The following TFDP2 variants were observed in gnomAD, a reference collection of about 807,000 sequenced individuals.
TFDP2 encodes the protein transcription factor Dp-2.
Under a neutral mutation model 59.3 loss-of-function variants are expected in TFDP2, and 17 were observed. That is an observed-to-expected ratio of 0.29 (90% CI 0.20 to 0.43). TFDP2 has a LOEUF of 0.43. Among genes scored for constraint, TFDP2 ranks in the 20% least tolerant of loss-of-function variants. The pLI is 1.00. For missense variants in TFDP2, 391 were observed against 528.8 expected (o/e 0.74, Z 2.56); for synonymous variants, 180 against 194.7 (o/e 0.92, Z 0.63).
chr3:142,061,847 G>A, intron 3 of TFDP2, among the ~76,000 whole-genome samples: 1 of 149,820 alleles, frequency 6.7e-6, no homozygotes, highest in South Asian at 2.1e-4. Context: ...ATAACTGTAT[G>A]AGCCAATCCC....
chr3:142,077,639 A>C (rs2060505283), intron 3 of TFDP2, among the ~76,000 whole-genome samples: 1 of 152,114 alleles, frequency 6.6e-6, no homozygotes, highest in South Asian at 2.1e-4. Context: ...TCACCTGCTG[A>C]CTAAAGAGCT....
At chr3:142,102,702 G>C (rs534501782) in intron 1 of TFDP2, among the ~76,000 whole-genome samples, 3 of 152,268 alleles carry the variant, frequency 2.0e-5, no homozygotes, top group Non-Finnish European at 2.9e-5. Flanking sequence ...AGTGATCAAA[G>C]TTACCAAATG....
intron 1 of TFDP2, among the ~76,000 whole-genome samples, chr3:142,135,708 T>A (rs938896889): frequency 2.6e-5 from 4 of 152,114 alleles, no homozygotes; most frequent in African/African-American, 9.6e-5. Flanking sequence ...TCCAGCTTCA[T>A]CCATGTCCCT....
At chr3:142,025,136 G>A (rs370559470) in intron 3 of TFDP2, among the ~76,000 whole-genome samples, 3 of 152,172 alleles carry the variant, frequency 2.0e-5, no homozygotes, top group South Asian at 4.1e-4. Flanking sequence ...AATTAGGAAA[G>A]TTTTTGTTTG....
intron 1 of TFDP2, among the ~76,000 whole-genome samples, chr3:142,103,953 C>T (rs1018954640): frequency 1.9e-4 from 29 of 151,794 alleles, no homozygotes; most frequent in African/African-American, 6.0e-4. Flanking sequence ...CATAGGTATA[C>T]GTGTGCCATG....
At chr3:142,134,205 T>C (rs116793310) in intron 1 of TFDP2, among the ~76,000 whole-genome samples, 12,643 of 151,358 alleles carry the variant, frequency 0.084, 690 homozygotes, top group Middle Eastern at 0.14. Flanking sequence ...CGAAATTAGC[T>C]GGGCGTGGTG....
intron 3 of TFDP2, among the ~76,000 whole-genome samples, chr3:142,008,895 T>A (rs1363626886): frequency 6.6e-6 from 1 of 152,166 alleles, no homozygotes; most frequent in Non-Finnish European, 1.5e-5. Flanking sequence ...TGAAATAGAT[T>A]ATTAGTGACC....
At chr3:141,953,341 A>G (rs549702002) in intron 11 of TFDP2, among the ~76,000 whole-genome samples, 14 of 152,290 alleles carry the variant, frequency 9.2e-5, no homozygotes, top group Non-Finnish European at 1.9e-4. Flanking sequence ...ATCCCAGTGT[A>G]CCACCCTCAA....
rs950471078 is a variant in TFDP2, at chr3:141,951,738, T to G, written c.*775A>C. 3 of 152,694 alleles carry G rather than the reference T, an allele frequency of 2.0e-5. No homozygotes were observed. Among genetic ancestry groups the G allele is most frequent in the African/African-American group, 7.2e-5 (3 of 41,546 alleles). 9.5% of individuals were successfully genotyped at this position (152,694 alleles called of 1,614,324 possible). On this transcript the variant is annotated 3_prime_UTR_variant, in exon 13 of 13. Transcript: ENST00000489671. ...TTTCCTTCTTTGTAAAACTCCAGAT[T>G]TAGGATGCTGGCAAAGGCAGTGCTG... is the stretch of plus-strand genomic sequence containing the variant.
At position 141,952,300 on chromosome 3, in the gene TFDP2, A is replaced by G. The variant is rs1936013530; in HGVS notation, c.*213T>C. The G allele has an allele frequency of 4.4e-6, 2 of 452,132 alleles. No homozygotes were observed. Among genetic ancestry groups the G allele is most frequent in the Non-Finnish European group, 7.6e-6 (2 of 262,680 alleles). 28.0% of individuals were successfully genotyped at this position (452,132 alleles called of 1,614,324 possible). A position where few individuals can be genotyped will look rare whatever the true frequency, so the allele number is the denominator to read the frequency against. ...GCATGCTTTCTTTGTTATATCATCT[A>G]CTGCTCTGTTGGCCAGACTTTCATT... On this transcript the variant is annotated 3_prime_UTR_variant, in exon 13 of 13. Transcript: ENST00000489671.
At chr3:141,977,156 G>C (rs1404690638) in intron 7 of TFDP2, among the ~76,000 whole-genome samples, 1 of 110,790 alleles carries the variant, frequency 9.0e-6, no homozygotes, top group Admixed American at 1.1e-4. Flanking sequence ...GTCTTGCTTT[G>C]CCGCCCAGGC....
At chr3:142,078,886 C>T (rs1301369463) in intron 3 of TFDP2, among the ~76,000 whole-genome samples, 1 of 151,914 alleles carries the variant, frequency 6.6e-6, no homozygotes, top group African/African-American at 2.4e-5. Flanking sequence ...TTTGAAGTAA[C>T]TCAAAGAAAT....
chr3:142,032,252 C>T lies in TFDP2; in HGVS notation c.83-26708G>A, dbSNP rs949203137. On this transcript the variant is annotated intron_variant, in intron 3 of 12. Coordinates refer to ENST00000489671, the MANE Select transcript of TFDP2 (RefSeq NM_001178139.2). Reference sequence around the variant, plus strand: ...CCAAGCAGCCAGGACCACAGGTGTGCACCACCATGCCTGGCTAATTTTTGT... The same window carrying T: ...CCAAGCAGCCAGGACCACAGGTGTGTACCACCATGCCTGGCTAATTTTTGT... Among the ~76,000 whole-genome samples the T allele has an allele frequency of 3.9e-5, 6 of 152,080 alleles. No individual in the cohort carries two copies. In the East Asian group the frequency reaches 5.8e-4, roughly 15 times the overall value.
At chr3:142,026,579 G>A (rs570692916) in intron 3 of TFDP2, among the ~76,000 whole-genome samples, 4 of 152,162 alleles carry the variant, frequency 2.6e-5, no homozygotes, top group Non-Finnish European at 5.9e-5. Flanking sequence ...TTGAATAAGT[G>A]CCTCATATGT....
intron 3 of TFDP2, among the ~76,000 whole-genome samples, chr3:142,018,724 G>A (rs1945338093): frequency 6.6e-6 from 1 of 152,080 alleles, no homozygotes; most frequent in South Asian, 2.1e-4. Context: ...CTATAGGTGT[G>A]AGCCACTGCA....
At chr3:141,971,480 C>T (rs1355431719) in intron 8 of TFDP2, among the ~76,000 whole-genome samples, 7 of 151,174 alleles carry the variant, frequency 4.6e-5, no homozygotes, top group South Asian at 2.1e-4. Context: ...ACCCGGGAGG[C>T]GGAGGTTGCA....
At chr3:142,143,043 C>T (rs1177155631) in intron 1 of TFDP2, among the ~76,000 whole-genome samples, 1 of 152,244 alleles carries the variant, frequency 6.6e-6, no homozygotes, top group Non-Finnish European at 1.5e-5. Flanking sequence ...CAAGACCAGT[C>T]TGGCCAACAT....
intron 1 of TFDP2, among the ~76,000 whole-genome samples, chr3:142,135,612 G>A (rs990301456): frequency 6.6e-6 from 1 of 151,942 alleles, no homozygotes; most frequent in Non-Finnish European, 1.5e-5. Context: ...GTGTCCAAGT[G>A]TTCTCATTGT....
intron 8 of TFDP2, among the ~76,000 whole-genome samples, chr3:141,972,279 T>C (rs1239654755): frequency 6.6e-6 from 1 of 152,020 alleles, no homozygotes; most frequent in Admixed American, 6.6e-5. Flanking sequence ...CTAAAACACC[T>C]CTCCAATCTC....
Sources: gnomAD v4.1 joint callset for allele counts (sites outside exome capture counted in the v4.1 genomes callset) on GRCh38, gnomAD v4.1.1 for gene constraint, MANE v1.5 for transcripts, NCBI Gene and HGNC (gene_info 2026-07-23, HGNC 2026-07-21) for gene names.